ARHGAP44: variants seen among roughly 807,000 people sequenced by gnomAD.
ARHGAP44 encodes the protein rho GTPase-activating protein 44.
In ARHGAP44, 43 loss-of-function variants were observed where a neutral mutation model predicts 106.8. The ratio of observed to expected loss-of-function variants is 0.40; its 90% confidence interval spans 0.32 to 0.52. The LOEUF (loss-of-function observed/expected upper bound fraction) is 0.52, where lower values mean the gene tolerates loss of function less well. Ranked by LOEUF, ARHGAP44 falls within the 20% of genes least tolerant of loss-of-function variation. The probability of loss-of-function intolerance (pLI) is 0.48; values close to 1 mark genes in which losing one functional copy is unlikely to be tolerated. For synonymous variants in ARHGAP44, 439 were observed against 410.3 expected, an observed-to-expected ratio of 1.07 and a Z score of -0.85; for missense variants, 866 against 1,050.5, an observed-to-expected ratio of 0.82 and a Z score of 2.43.
chr17:12,860,925 C>T (rs2036054025), intron 1 of ARHGAP44, among the ~76,000 whole-genome samples: 1 of 146,548 alleles, frequency 6.8e-6, no homozygotes, highest in African/African-American at 2.6e-5. Context: ...GGTATGATCT[C>T]AACTCACTGC....
chr17:12,869,613 A>G (rs2036345993), intron 1 of ARHGAP44, among the ~76,000 whole-genome samples: 1 of 152,134 alleles, frequency 6.6e-6, no homozygotes, highest in Non-Finnish European at 1.5e-5. Flanking sequence ...TGTCCATGAA[A>G]CAGTAACTCC....
intron 6 of ARHGAP44, among the ~76,000 whole-genome samples, chr17:12,921,802 T>C (rs1159604678): frequency 6.6e-6 from 1 of 152,166 alleles, no homozygotes; most frequent in Admixed American, 6.5e-5. Flanking sequence ...GGTGGCTGTT[T>C]TGAGTACTAA....
chr17:12,836,913 T>TA (rs758254259), intron 1 of ARHGAP44, among the ~76,000 whole-genome samples: 14 of 152,222 alleles, frequency 9.2e-5, no homozygotes, highest in Non-Finnish European at 2.9e-5. Flanking sequence ...AACAATGCTG[T>TA]AAACCAATTG....
chr17:12,912,613 T>C (rs2037772587), intron 4 of ARHGAP44, among the ~76,000 whole-genome samples: 1 of 152,182 alleles, frequency 6.6e-6, no homozygotes, highest in Non-Finnish European at 1.5e-5. Context: ...ATTAAGCGTA[T>C]GCCACAGAGC....
Position 12,961,006 on chromosome 17 carries a change from G to A in ARHGAP44, c.1523+2109G>A, listed in dbSNP as rs1371612374. 4.6e-5 allele frequency among the ~76,000 whole-genome samples: 7 copies of A among 152,312 alleles called. No homozygotes were observed. The East Asian group carries it at 7.7e-4, about 17-fold the overall frequency. ...ATGTGAAATCTCTGTAAGCTGAAGG[G>A]ATGCTCCTGAGGGTAAATTCTGGTC... On this transcript the variant is annotated intron_variant, in intron 16 of 20. Coordinates refer to ENST00000379672, the MANE Select transcript of ARHGAP44 (RefSeq NM_014859.6).
At chr17:12,978,030 C>T in intron 18 of ARHGAP44, among the ~76,000 whole-genome samples, 1 of 16,260 alleles carries the variant, frequency 6.2e-5, no homozygotes, top group Admixed American at 9.3e-4. Flanking sequence ...GAGCAAGACT[C>T]CATCTCAAAA....
intron 7 of ARHGAP44, among the ~76,000 whole-genome samples, chr17:12,933,212 A>G (rs2038451059): frequency 6.6e-6 from 1 of 151,992 alleles, no homozygotes; most frequent in South Asian, 2.1e-4. Flanking sequence ...TGATCTCTTC[A>G]TGGTTTTATA....
intron 3 of ARHGAP44, among the ~76,000 whole-genome samples, chr17:12,907,180 T>C (rs9911203): frequency 0.14 from 21,767 of 152,104 alleles, 2,410 homozygotes; most frequent in East Asian, 0.38. Context: ...CCTTTGTAGC[T>C]ACGTAGACTG....
intron 18 of ARHGAP44, among the ~76,000 whole-genome samples, chr17:12,977,248 C>G (rs1276048941): frequency 6.6e-6 from 1 of 152,100 alleles, no homozygotes; most frequent in Non-Finnish European, 1.5e-5. Context: ...TTTTTGTTCT[C>G]TCCCCGCATG....
At chr17:12,907,775 A>T (rs2037598332) in intron 3 of ARHGAP44, among the ~76,000 whole-genome samples, 1 of 152,054 alleles carries the variant, frequency 6.6e-6, no homozygotes, top group South Asian at 2.1e-4. Flanking sequence ...GTTGCTCTTC[A>T]CATTTGTGTA....
At chr17:12,987,643 G>C (rs1324625375) in intron 20 of ARHGAP44, 1 of 152,356 alleles carries the variant, frequency 6.6e-6, no homozygotes, top group African/African-American at 2.4e-5. Flanking sequence ...CCCATTTTCT[G>C]TGGCCCCGAG....
In ARHGAP44 at chr17:12,886,878, C is replaced by A. The variant is rs1185676054; in HGVS notation, c.54-8062C>A. On this transcript the variant is annotated intron_variant, in intron 1 of 20. Coordinates refer to ENST00000379672, the MANE Select transcript of ARHGAP44 (RefSeq NM_014859.6). ...CCTTGATTCCTGTTTTGGAGGAAAG[C>A]ATGTAGTCTTTCAAAAGTATAGATT... Among the ~76,000 whole-genome samples the A allele has an allele frequency of 4.6e-5, 7 of 151,324 alleles. 1 individual carries two copies. The highest frequency in any genetic ancestry group is 4.6e-4 in the Admixed American group (7 of 15,194).
chr17:12,812,575 C>A (rs1430389539), intron 1 of ARHGAP44, among the ~76,000 whole-genome samples: 1 of 152,162 alleles, frequency 6.6e-6, no homozygotes, highest in Non-Finnish European at 1.5e-5. Flanking sequence ...ACCTCCAAGA[C>A]ACGCTGACAG....
At chr17:12,906,141 A>G (rs550635712) in intron 3 of ARHGAP44, among the ~76,000 whole-genome samples, 4 of 152,346 alleles carry the variant, frequency 2.6e-5, no homozygotes, top group South Asian at 2.1e-4. Context: ...TTGAGAACCA[A>G]TACCTTAAGT....
At chr17:12,966,306 G>GT (rs11379308) in intron 16 of ARHGAP44, among the ~76,000 whole-genome samples, 36,326 of 152,046 alleles carry the variant, frequency 0.24, 5,385 homozygotes, top group African/African-American at 0.41. Context: ...TTGGTTTAGG[G>GT]TTGTCTACAT....
chr17:12,976,571 C>T (rs1270317830), intron 18 of ARHGAP44, among the ~76,000 whole-genome samples: 3 of 149,116 alleles, frequency 2.0e-5, no homozygotes, highest in Non-Finnish European at 4.4e-5. Flanking sequence ...CGAGATGGTG[C>T]CACTGCACTC....
At chr17:12,984,495 T>C (rs1229289060) in intron 19 of ARHGAP44, 36 bp from the exon 20 acceptor site, 8 of 1,500,946 alleles carry the variant, frequency 5.3e-6, no homozygotes, top group Non-Finnish European at 7.1e-6. Flanking sequence ...TTCAACAACT[T>C]TGTGTTTTGT....
At chr17:12,940,735 A>T (rs1003224402) in intron 7 of ARHGAP44, among the ~76,000 whole-genome samples, 10 of 152,236 alleles carry the variant, frequency 6.6e-5, no homozygotes, top group African/African-American at 2.4e-4. Flanking sequence ...AGCTTGCTTC[A>T]GAATAGGGGC....
chr17:12,852,580 T>C lies in ARHGAP44; in HGVS notation c.54-42360T>C, dbSNP rs553138667. On this transcript the variant is annotated intron_variant, in intron 1 of 20. Transcript: ENST00000379672. ...TTTTTTTGATGGCATCTTGCTCTGT[T>C]GCCCAGGCTGGAGTGCAGTGGTGCA... 3.0e-3 allele frequency among the ~76,000 whole-genome samples: 456 copies of C among 151,494 alleles called. 2 individuals carry two copies. The highest frequency in any genetic ancestry group is 0.011 in the African/African-American group (439 of 41,248).
Sources: allele counts gnomAD v4.1 joint callset (sites outside exome capture counted in the v4.1 genomes callset), GRCh38; gene constraint gnomAD v4.1.1; transcripts MANE v1.5; gene names NCBI Gene and HGNC (gene_info 2026-07-23, HGNC 2026-07-21).